The following UBE3C variants were observed in gnomAD, a reference collection of about 807,000 sequenced individuals.
The protein encoded by UBE3C is ubiquitin protein ligase E3C.
A neutral mutation model predicts 129.4 loss-of-function variants in UBE3C; 42 were observed. The ratio of observed to expected loss-of-function variants is 0.32; its 90% CI spans 0.25 to 0.42. UBE3C has a LOEUF of 0.42. Among genes scored for constraint, UBE3C ranks in the 10% least tolerant of loss-of-function variants. The pLI, the probability that UBE3C is intolerant of heterozygous loss-of-function variation, is 1.00. For missense variants in UBE3C, 1,049 were observed against 1,319.1 expected (o/e 0.80, Z 3.17); for synonymous variants, 510 against 492.4 (o/e 1.04, Z -0.47).
chr7:157,215,591 C>T (rs926320637), intron 13 of UBE3C, among the ~76,000 whole-genome samples: 4 of 147,952 alleles, frequency 2.7e-5, no homozygotes, highest in Non-Finnish European at 5.9e-5. Flanking sequence ...CTAATCTAGC[C>T]GGTGGGTATA....
At chr7:157,264,650 G>A (rs763282606) in intron 22 of UBE3C, among the ~76,000 whole-genome samples, 15 of 152,104 alleles carry the variant, frequency 9.9e-5, no homozygotes, top group African/African-American at 1.4e-4. Context: ...GCGTGATCTC[G>A]TCTCACTGCA....
intron 5 of UBE3C, among the ~76,000 whole-genome samples, chr7:157,178,171 G>A (rs950306645): frequency 6.6e-6 from 1 of 152,050 alleles, no homozygotes; most frequent in African/African-American, 2.4e-5. Context: ...CTCTCTAAAC[G>A]GATAGTTAAC....
intron 1 of UBE3C, among the ~76,000 whole-genome samples, chr7:157,149,427 C>T (rs563527512): frequency 6.6e-6 from 1 of 152,276 alleles, no homozygotes; most frequent in African/African-American, 2.4e-5. Flanking sequence ...CTAATTGTCT[C>T]ATTGTCTCAT....
rs536706774 is a variant in UBE3C at position 157,201,903 on chromosome 7, A to G, written c.1418+96A>G. On this transcript the variant is annotated intron_variant, in intron 11 of 22. Coordinates refer to ENST00000348165, the MANE Select transcript of UBE3C (RefSeq NM_014671.3). ...CAGAACCTGTTTTTAAGTCCTGTTT[A>G]TACTGGGCTTATTTCATATTAGAAG... 2.3e-5 allele frequency: 22 copies of G among 967,098 alleles called. No individual in the cohort carries two copies. The South Asian group carries it at 2.9e-4, about 13-fold the overall frequency. The allele number at this position is 967,098 out of a possible 1,614,324, so 59.9% of individuals were successfully genotyped here. A position where few individuals can be genotyped will look rare whatever the true frequency, so the allele number is the denominator to read the frequency against.
chr7:157,231,494 G>T, intron 18 of UBE3C, 167 bp downstream of exon 18: 2 of 977,908 alleles, frequency 2.0e-6, no homozygotes, highest in Non-Finnish European at 1.5e-6. Flanking sequence ...GTTGTAAGTA[G>T]GTGCTATGGT....
At chr7:157,222,449 T>G (rs1215426420) in intron 15 of UBE3C, 2 of 151,992 alleles carry the variant, frequency 1.3e-5, no homozygotes, top group African/African-American at 4.8e-5. Flanking sequence ...AGGCAGGGTC[T>G]CAGTGTGTCA....
intron 8 of UBE3C, among the ~76,000 whole-genome samples, chr7:157,182,938 G>A (rs1401472352): frequency 2.6e-5 from 4 of 151,990 alleles, no homozygotes; most frequent in Non-Finnish European, 4.4e-5. Context: ...TAGTAGAGAC[G>A]GGGTTTCACT....
intron 16 of UBE3C, among the ~76,000 whole-genome samples, chr7:157,224,421 C>G (rs373370776): frequency 5.5e-4 from 84 of 152,182 alleles, no homozygotes; most frequent in African/African-American, 1.8e-3. Context: ...GTCTCGATCT[C>G]CTGACCTCGT....
intron 10 of UBE3C, among the ~76,000 whole-genome samples, chr7:157,200,969 C>T (rs1044937992): frequency 5.9e-5 from 9 of 152,050 alleles, no homozygotes; most frequent in South Asian, 2.1e-4. Context: ...GTTAACAGCA[C>T]ATTTTTTGTA....
At position 157,267,761 on chromosome 7, in the gene UBE3C, A is replaced by T. The variant is rs1415816347; in HGVS notation, c.*6A>T. The T allele has an allele frequency of 6.3e-7, 1 of 1,594,750 alleles. No homozygotes were observed. The highest frequency in any genetic ancestry group is 8.5e-7 in the Non-Finnish European group (1 of 1,170,686). ...CTGGCTTTGAGCTGAGCTGAAGCTG[A>T]TGCTGGGGTCAGACCCCTACAGAGA... On this transcript the variant is annotated 3_prime_UTR_variant, in exon 23 of 23. Transcript: ENST00000348165.
chr7:157,178,056 G>T lies in UBE3C; in HGVS notation c.459-634G>T, dbSNP rs568617512. Among the ~76,000 whole-genome samples the T allele has an allele frequency of 2.3e-3, 348 of 152,170 alleles. 1 individual carries two copies. The highest frequency in any genetic ancestry group is 8.1e-3 in the African/African-American group (336 of 41,508). On this transcript the variant is annotated intron_variant, in intron 5 of 22. Coordinates refer to ENST00000348165, the MANE Select transcript of UBE3C (RefSeq NM_014671.3). The stretch of plus-strand genomic sequence containing the variant: ...ATAGAAAAAAGGATTGGGGTGGGGG[G>T]AAAGAGGGAGGAGTGGACTAGAGAC...
intron 2 of UBE3C, chr7:157,164,405 T>A (rs1207573692): frequency 2.2e-6 from 1 of 456,598 alleles, no homozygotes; most frequent in East Asian, 6.9e-5. Flanking sequence ...ATCGCCTCCC[T>A]CATTTTCCCA....
At chr7:157,204,567 A>G (rs1389175993) in intron 11 of UBE3C, among the ~76,000 whole-genome samples, 1 of 152,056 alleles carries the variant, frequency 6.6e-6, no homozygotes, top group Non-Finnish European at 1.5e-5. Flanking sequence ...ACCACATTTA[A>G]ACAATCTCCA....
At chr7:157,228,411 C>T (rs1795935274) in intron 17 of UBE3C, among the ~76,000 whole-genome samples, 1 of 152,226 alleles carries the variant, frequency 6.6e-6, no homozygotes, top group East Asian at 1.9e-4. Context: ...TCCCTCGGGG[C>T]CTGGAGCTCA....
rs1358064454 is a variant in UBE3C, at chr7:157,220,779, G to C, written c.2002+3G>C. On this transcript the variant is annotated splice_donor_region_variant and intron_variant, in intron 15 of 22. Coordinates refer to ENST00000348165, the MANE Select transcript of UBE3C (RefSeq NM_014671.3). ...CCCGCTGCAGTCCACCCTGGACGGT[G>C]AGTTCTCTAGGACACAGGGTTACTG... The C allele has an allele frequency of 6.2e-7, 1 of 1,613,962 alleles. No individual in the cohort carries two copies. Among genetic ancestry groups the C allele is most frequent in the African/African-American group, 1.3e-5 (1 of 74,936 alleles).
In UBE3C at chr7:157,254,003, A is replaced by G; in HGVS notation, c.2744A>G (p.Asn915Ser). Reference sequence around the variant, plus strand: ...AAAGACATCCCTGTCACCAGCGCCAACCGGATTGCGTACATCCACTTGGTG... The same window carrying G: ...AAAGACATCCCTGTCACCAGCGCCAGCCGGATTGCGTACATCCACTTGGTG... The part of the protein sequence containing the change: ...GGKDIPVTSA[N>S]RIAYIHLVAD... The change falls in exon 20 of 23, where the codon AAC becomes AGC. Residue 915 changes from asparagine (N) to serine (S), a missense_variant. By Grantham distance (46) the Asn-to-Ser change is conservative (BLOSUM62 1). Around this residue, in one of 4 missense-constraint regions of UBE3C, gnomAD observed 243 missense variants for 368.7 expected, o/e 0.66. Transcript: ENST00000348165. 2 of 1,610,788 alleles carry G rather than the reference A, an allele frequency of 1.2e-6. No individual in the cohort carries two copies. Among genetic ancestry groups the G allele is most frequent in the Non-Finnish European group, 1.7e-6 (2 of 1,178,296 alleles).
chr7:157,183,896 G>T lies in UBE3C; in HGVS notation c.1010G>T (p.Gly337Val). Reference sequence around the variant, plus strand: ...TGCAAAGGGGCCCTCTCTGAGGAAGGGCTGCTGGTGTATTTGCGGGTGCTG... The same window carrying T: ...TGCAAAGGGGCCCTCTCTGAGGAAGTGCTGCTGGTGTATTTGCGGGTGCTG... ...ENYLGALSEE[G>V]LLVYLRVLQT... Residue 337 changes from glycine (G) to valine (V), a missense_variant, in exon 9 of 23, where the codon GGG becomes GTG. Physicochemically the swap from Gly to Val is moderately radical, Grantham distance 109 (BLOSUM62 -3). Around this residue, in one of 4 missense-constraint regions of UBE3C, gnomAD observed 489 missense variants for 513.8 expected, o/e 0.95. Transcript: ENST00000348165. The T allele has an allele frequency of 6.2e-7, 1 of 1,613,962 alleles. No individual in the cohort carries two copies. Among genetic ancestry groups the T allele is most frequent in the South Asian group, 1.1e-5 (1 of 91,070 alleles).
intron 2 of UBE3C, among the ~76,000 whole-genome samples, chr7:157,167,848 CAT>C (rs975037015): frequency 6.6e-6 from 1 of 152,092 alleles, no homozygotes; most frequent in African/African-American, 2.4e-5. Flanking sequence ...AAGTGCCTCT[CAT>C]AGGGCTGGCA....
chr7:157,213,552 T>C lies in UBE3C; in HGVS notation c.1810-3315T>C, dbSNP rs1216034571. ...TGGTTGCCTCTACAAACTTTCCCTT[T>C]TTGGTGCTAGATACTTGTAGAGCAG... On this transcript the variant is annotated intron_variant, in intron 13 of 22. Coordinates refer to ENST00000348165, the MANE Select transcript of UBE3C (RefSeq NM_014671.3). Among the ~76,000 whole-genome samples, 8 of 152,350 alleles carry C rather than the reference T, an allele frequency of 5.3e-5. No homozygotes were observed. In the East Asian group the frequency reaches 1.5e-3, roughly 29 times the overall value.
Sources: allele counts gnomAD v4.1 joint callset (sites outside exome capture counted in the v4.1 genomes callset), GRCh38; gene constraint gnomAD v4.1.1; regional missense constraint gnomAD v4.1.1; transcripts MANE v1.5; gene names NCBI Gene and HGNC (gene_info 2026-07-23, HGNC 2026-07-21).